SLC25A4: variants seen among roughly 807,000 people sequenced by gnomAD.
SLC25A4 encodes the protein ADP/ATP translocase 1.
A neutral mutation model predicts 24.7 loss-of-function variants in SLC25A4; 10 were observed. That is an observed-to-expected ratio of 0.41 (90% CI 0.25 to 0.69). The LOEUF (loss-of-function observed/expected upper bound fraction) is 0.69, where lower values mean the gene tolerates loss of function less well. SLC25A4 is among the 30% of genes least tolerant of loss of function. The pLI, the probability that SLC25A4 is intolerant of heterozygous loss-of-function variation, is 0.35. For missense variants in SLC25A4, 273 were observed against 387.6 expected, an observed-to-expected ratio of 0.70 and a Z score of 2.48; for synonymous variants, 125 against 153.3, an observed-to-expected ratio of 0.82 and a Z score of 1.36.
intron 3 of SLC25A4, among the ~76,000 whole-genome samples, 168 bp downstream of exon 3, chr4:185,146,067 T>C (rs1265381798): frequency 6.6e-6 from 1 of 152,140 alleles, no homozygotes; most frequent in Non-Finnish European, 1.5e-5. Flanking sequence ...AACTATCCTA[T>C]TAGGGAAAAG....
rs185542833 is a variant in SLC25A4 at position 185,146,866 on chromosome 4, C to T, written c.792C>T (p.Asp264=). The T allele has an allele frequency of 2.3e-5, 37 of 1,614,208 alleles. No individual in the cohort carries two copies. In the East Asian group the frequency reaches 5.6e-4, roughly 24 times the overall value. Residue 264 remains aspartate, a synonymous_variant, in exon 4 of 4, where the codon GAC becomes GAT. Transcript: ENST00000281456. ...ACTGCTGGAGGAAGATTGCAAAAGA[C>T]GAAGGAGCCAAGGCCTTCTTCAAAG... The part of the protein sequence containing the change: ...TVDCWRKIAK[D]EGAKAFFKGA...
chr4:185,146,730 G>T (rs748594852), intron 3 of SLC25A4, 84 bp from the exon 4 acceptor site: 117 of 1,512,204 alleles, frequency 7.7e-5, no homozygotes, highest in Non-Finnish European at 9.6e-5. Flanking sequence ...TATAAAACTG[G>T]TAACAGTGTG....
chr4:185,143,531 G>A, intron 1 of SLC25A4, 48 bp downstream of exon 1: 1 of 834,372 alleles, frequency 1.2e-6, no homozygotes, highest in Non-Finnish European at 1.5e-6. Context: ...GGCGGGCCGG[G>A]CGGGGCGCGC....
Position 185,145,813 on chromosome 4 carries a change from A to C in SLC25A4, c.653A>C (p.Gln218Pro). The change falls in exon 3 of 4, where the codon CAG (glutamine) becomes CCG (proline). Residue 218 changes from glutamine (Q) to proline (P), a missense_variant. Transcript: ENST00000281456. The surrounding 1 kb of genome is among the most constrained non-coding windows in gnomAD (Gnocchi z 5.5). ...ATTTTTGTGAGCTGGATGATTGCCC[A>C]GAGTGTGACGGCAGTCGCAGGGCTG... The part of the protein sequence containing the change: ...VHIFVSWMIA[Q>P]SVTAVAGLVS... 6.2e-7 allele frequency: 1 copy of C among 1,614,208 alleles called. No homozygotes were observed. The highest frequency in any genetic ancestry group is 1.6e-4 in the Middle Eastern group (1 of 6,062).
chr4:185,143,359 G>C lies in SLC25A4; in HGVS notation c.-14G>C. 1 of 1,478,238 alleles carries C rather than the reference G, an allele frequency of 6.8e-7. No individual in the cohort carries two copies. The highest frequency in any genetic ancestry group is 9.2e-7 in the Non-Finnish European group (1 of 1,088,174). 91.6% of individuals were successfully genotyped at this position (1,478,238 alleles called of 1,614,324 possible). On this transcript the variant is annotated 5_prime_UTR_variant, in exon 1 of 4. Coordinates refer to ENST00000281456, the MANE Select transcript of SLC25A4 (RefSeq NM_001151.4). ...AACGGGCTGCCTGCGGGCTGAGAGC[G>C]TCGAGCTGTCACCATGGGTGATCAC...
In SLC25A4 at chr4:185,145,474, G is replaced by A. The variant is rs143179742; in HGVS notation, c.598+224G>A. On this transcript the variant is annotated intron_variant, in intron 2 of 3. Transcript: ENST00000281456. This position sits in a 1 kb window ranked among gnomAD's most constrained non-coding sequence, Gnocchi z 5.5. ...CCTTTAGTTATTCAGAGAGGAGGAG[G>A]GGGGAGCCTGTCTCCCTCTAGACAC... 38 of 722,096 alleles carry A rather than the reference G, an allele frequency of 5.3e-5. No homozygotes were observed. The highest frequency in any genetic ancestry group is 7.8e-4 in the Middle Eastern group (2 of 2,548). 44.7% of individuals were successfully genotyped at this position (722,096 alleles called of 1,614,324 possible). A position where few individuals can be genotyped will look rare whatever the true frequency, so the allele number is the denominator to read the frequency against.
Position 185,145,373 on chromosome 4 carries a change from CT to C in SLC25A4, c.598+125del. ...TTTCTAGTCTCTGGGATAATTGAGG[CT>C]TCTGAATGAGGAGGTGATGTGCATA... is the stretch of plus-strand genomic sequence containing the variant. On this transcript the variant is annotated intron_variant, in intron 2 of 3. Transcript: ENST00000281456. This position sits in a 1 kb window ranked among gnomAD's most constrained non-coding sequence, Gnocchi z 5.5. 6.9e-7 allele frequency: 1 copy of C among 1,456,322 alleles called. No homozygotes were observed. Among genetic ancestry groups the C allele is most frequent in the Non-Finnish European group, 9.4e-7 (1 of 1,059,966 alleles). 90.2% of individuals were successfully genotyped at this position (1,456,322 alleles called of 1,614,324 possible).
chr4:185,145,292 GA>G lies in SLC25A4; in HGVS notation c.598+43del. 6.2e-7 allele frequency: 1 copy of G among 1,612,758 alleles called. No individual in the cohort carries two copies. The highest frequency in any genetic ancestry group is 8.5e-7 in the Non-Finnish European group (1 of 1,180,008). Reference sequence around the variant, plus strand: ...GGGGAGAAGGAGGGTGGTGTGGAAAGAGGATCCTATGGGATCTATAACTCAC... The same window carrying G: ...GGGGAGAAGGAGGGTGGTGTGGAAAGGGATCCTATGGGATCTATAACTCAC... On this transcript the variant is annotated intron_variant, in intron 2 of 3. Coordinates refer to ENST00000281456, the MANE Select transcript of SLC25A4 (RefSeq NM_001151.4). The surrounding 1 kb of genome is among the most constrained non-coding windows in gnomAD (Gnocchi z 5.5).
chr4:185,144,328 G>T (rs1279843908), intron 1 of SLC25A4, among the ~76,000 whole-genome samples: 1 of 152,116 alleles, frequency 6.6e-6, no homozygotes, highest in Non-Finnish European at 1.5e-5. Flanking sequence ...CATCTCCAGG[G>T]TGATCAGAGT....
At chr4:185,144,673 A>T (rs1579209281) in intron 1 of SLC25A4, 91 bp from the exon 2 acceptor site, 1 of 1,260,784 alleles carries the variant, frequency 7.9e-7, no homozygotes. Flanking sequence ...CAAAAAAAAA[A>T]TCTAGGAAGT....
At position 185,145,939 on chromosome 4, in the gene SLC25A4, G is replaced by A; in HGVS notation, c.739+40G>A. On this transcript the variant is annotated intron_variant, in intron 3 of 3. Transcript: ENST00000281456. The surrounding 1 kb of genome is among the most constrained non-coding windows in gnomAD (Gnocchi z 5.5). ...TACTCATCTAAACTTGTTTGGTTTTGCCCGAGGAGAACATTTTACAGGGCT... is the reference window on the plus strand; with the variant it reads ...TACTCATCTAAACTTGTTTGGTTTTACCCGAGGAGAACATTTTACAGGGCT... 6.2e-7 allele frequency: 1 copy of A among 1,612,482 alleles called. No individual in the cohort carries two copies. Among genetic ancestry groups the A allele is most frequent in the African/African-American group, 1.3e-5 (1 of 75,032 alleles).
In SLC25A4 at chr4:185,147,991, A is replaced by AG. The variant is rs1734472583; in HGVS notation, c.*1020_*1021insG. 6.6e-6 allele frequency: 1 copy of AG among 152,026 alleles called. No individual in the cohort carries two copies. 9.4% of individuals were successfully genotyped at this position (152,026 alleles called of 1,614,324 possible). A position where few individuals can be genotyped will look rare whatever the true frequency, so the allele number is the denominator to read the frequency against. ...GCAAGACTCTGTCTCAAAAAAAAAA[A>AG]AAAGAAAGAAAATCAGTTGTCTTAG... On this transcript the variant is annotated 3_prime_UTR_variant, in exon 4 of 4. Coordinates refer to ENST00000281456, the MANE Select transcript of SLC25A4 (RefSeq NM_001151.4).
chr4:185,147,250 TC>T lies in SLC25A4; in HGVS notation c.*280del. On this transcript the variant is annotated 3_prime_UTR_variant, in exon 4 of 4. Transcript: ENST00000281456. ...ATTGATAATAACTGAATGTGAAACA[TC>T]AATAAAGACCACTTAATGCACGCTT... The T allele has an allele frequency of 2.8e-6, 1 of 363,204 alleles. No homozygotes were observed. Among genetic ancestry groups the T allele is most frequent in the South Asian group, 3.9e-5 (1 of 25,882 alleles). The allele number at this position is 363,204 out of a possible 1,614,324, so 22.5% of individuals were successfully genotyped here.
intron 3 of SLC25A4, 147 bp downstream of exon 3, chr4:185,146,046 C>A: frequency 2.1e-6 from 2 of 951,906 alleles, no homozygotes; most frequent in Non-Finnish European, 1.6e-6. Context: ...TTAATTCCCC[C>A]TAACGTTCTC....
chr4:185,144,940 G>A lies in SLC25A4; in HGVS notation c.288G>A (p.Lys96=), dbSNP rs1734410697. 1.2e-6 allele frequency: 2 copies of A among 1,614,204 alleles called. No homozygotes were observed. Among genetic ancestry groups the A allele is most frequent in the African/African-American group, 1.3e-5 (1 of 75,048 alleles). ...ACTTCGCCTTCAAGGACAAGTACAAGCAGCTCTTCTTAGGGGGTGTGGATC... is the reference window on the plus strand; with the variant it reads ...ACTTCGCCTTCAAGGACAAGTACAAACAGCTCTTCTTAGGGGGTGTGGATC... ...ALNFAFKDKY[K]QLFLGGVDRH... is the part of the protein sequence containing the mutation. The change falls in exon 2 of 4, where the codon AAG becomes AAA. Residue 96 remains lysine, a synonymous_variant. Coordinates refer to ENST00000281456, the MANE Select transcript of SLC25A4 (RefSeq NM_001151.4).
chr4:185,149,425 TGTC>T lies in SLC25A4; in HGVS notation c.*2455_*2457del, dbSNP rs562427962. The T allele has an allele frequency of 4.6e-5, 7 of 152,334 alleles. No individual in the cohort carries two copies. The highest frequency in any genetic ancestry group is 1.0e-4 in the Non-Finnish European group (7 of 68,110). The allele number at this position is 152,334 out of a possible 1,614,324, so 9.4% of individuals were successfully genotyped here. A position where few individuals can be genotyped will look rare whatever the true frequency, so the allele number is the denominator to read the frequency against. Reference sequence around the variant, plus strand: ...CTACATTCTCTGCATGTGACCCAGATGTCAGCCCTTCCGCTTCCTGCGAAGGTT... The same window carrying T: ...CTACATTCTCTGCATGTGACCCAGATAGCCCTTCCGCTTCCTGCGAAGGTT... On this transcript the variant is annotated 3_prime_UTR_variant, in exon 4 of 4. Transcript: ENST00000281456.
In SLC25A4 at chr4:185,147,980, CAA is replaced by C. The variant is rs374044101; in HGVS notation, c.*1022_*1023del. 2.6e-4 allele frequency: 27 copies of C among 105,848 alleles called. No individual in the cohort carries two copies. The highest frequency in any genetic ancestry group is 3.0e-4 in the Admixed American group (3 of 10,134). The allele number at this position is 105,848 out of a possible 1,614,324, so 6.6% of individuals were successfully genotyped here. ...TAAGCGACAGGGCAAGACTCTGTCTCAAAAAAAAAAAAAAGAAAGAAAATCAG... is the reference window on the plus strand; with the variant it reads ...TAAGCGACAGGGCAAGACTCTGTCTCAAAAAAAAAAAAGAAAGAAAATCAG... On this transcript the variant is annotated 3_prime_UTR_variant, in exon 4 of 4. Transcript: ENST00000281456.
intron 1 of SLC25A4, among the ~76,000 whole-genome samples, chr4:185,143,949 T>TG (rs1333983247): frequency 6.6e-6 from 1 of 152,264 alleles, no homozygotes; most frequent in African/African-American, 2.4e-5. Context: ...CATCTTTATG[T>TG]AACCTCTGTG....
At chr4:185,144,035 C>G (rs1312281635) in intron 1 of SLC25A4, among the ~76,000 whole-genome samples, 1 of 152,206 alleles carries the variant, frequency 6.6e-6, no homozygotes, top group Non-Finnish European at 1.5e-5. Flanking sequence ...GGAATAAACT[C>G]AGATCATCCT....
Sources: gnomAD v4.1 joint callset for allele counts (sites outside exome capture counted in the v4.1 genomes callset) on GRCh38, gnomAD v4.1.1 for gene constraint, Gnocchi (gnomAD v3.1) non-coding constraint, MANE v1.5 for transcripts, NCBI Gene and HGNC (gene_info 2026-07-23, HGNC 2026-07-21) for gene names.